STIM2: variants seen among roughly 807,000 people sequenced by gnomAD.
STIM2 encodes stromal interaction molecule 2.
Under a neutral mutation model 85.8 loss-of-function variants are expected in STIM2, and 31 were observed. That is an observed-to-expected ratio of 0.36 (90% CI 0.27 to 0.49). STIM2 has a LOEUF of 0.49. Ranked by LOEUF, STIM2 falls within the 20% of genes least tolerant of loss-of-function variation. The pLI is 0.98. For missense variants in STIM2, 841 were observed against 927.6 expected, an observed-to-expected ratio of 0.91 and a Z score of 1.21; for synonymous variants, 356 against 331.1, an observed-to-expected ratio of 1.08 and a Z score of -0.82.
At chr4:26,955,570 G>C (rs1417880414) in intron 2 of STIM2, among the ~76,000 whole-genome samples, 1 of 148,300 alleles carries the variant, frequency 6.7e-6, no homozygotes, top group Non-Finnish European at 1.5e-5. Context: ...GTCAAGAAGA[G>C]TTGGATGACA....
At chr4:27,009,233 A>T (rs1728479754) in intron 10 of STIM2, among the ~76,000 whole-genome samples, 1 of 152,176 alleles carries the variant, frequency 6.6e-6, no homozygotes, top group African/African-American at 2.4e-5. Context: ...ACACACTTTA[A>T]AGAAATCTGA....
intron 1 of STIM2, among the ~76,000 whole-genome samples, chr4:26,908,776 A>G (rs897220922): frequency 6.6e-6 from 1 of 152,140 alleles, no homozygotes; most frequent in Non-Finnish European, 1.5e-5. Context: ...GAGCCACTGC[A>G]CCCGGCCACA....
chr4:26,956,161 GA>G (rs199655365), intron 2 of STIM2, among the ~76,000 whole-genome samples: 1,588 of 149,996 alleles, frequency 0.011, 18 homozygotes, highest in Non-Finnish European at 0.016. Flanking sequence ...TGGAACAATA[GA>G]AAAAAAAGAT....
intron 1 of STIM2, among the ~76,000 whole-genome samples, chr4:26,873,248 G>A (rs7659457): frequency 0.021 from 3,188 of 152,070 alleles, 114 homozygotes; most frequent in African/African-American, 0.073. Context: ...AAAATACAAC[G>A]ATTAGCCAGG....
At chr4:26,933,273 G>A (rs929785726) in intron 2 of STIM2, among the ~76,000 whole-genome samples, 1 of 151,934 alleles carries the variant, frequency 6.6e-6, no homozygotes, top group Non-Finnish European at 1.5e-5. Context: ...GTACTTAAAG[G>A]TAAATATTAA....
chr4:26,970,891 C>T (rs973966203), intron 3 of STIM2, among the ~76,000 whole-genome samples: 1 of 152,168 alleles, frequency 6.6e-6, no homozygotes. Flanking sequence ...TCTCCACATC[C>T]TCTCCAGCAT....
chr4:27,008,468 C>T lies in STIM2; in HGVS notation c.1190C>T (p.Thr397Ile). 1 of 1,604,362 alleles carries T rather than the reference C, an allele frequency of 6.2e-7. No individual in the cohort carries two copies. Among genetic ancestry groups the T allele is most frequent in the Non-Finnish European group, 8.5e-7 (1 of 1,175,836 alleles). Reference sequence around the variant, plus strand: ...AAGAAGAGAAGCACAGTCTTTGGGACTCTGCACGTTGCACACAGCTCCTCC... The same window carrying T: ...AAGAAGAGAAGCACAGTCTTTGGGATTCTGCACGTTGCACACAGCTCCTCC... Residue 397 changes from threonine (T) to isoleucine (I), a missense_variant, in exon 9 of 12, where the codon ACT becomes ATT. Coordinates refer to ENST00000467087, the MANE Select transcript of STIM2 (RefSeq NM_020860.4).
chr4:26,889,452 G>C (rs1351197709), intron 1 of STIM2, among the ~76,000 whole-genome samples: 2 of 152,184 alleles, frequency 1.3e-5, no homozygotes, highest in Non-Finnish European at 2.9e-5. Context: ...TGGTGGATAA[G>C]GCATTCTGTG....
At chr4:26,861,396 G>A (rs1300880333) in intron 1 of STIM2, 27 bp downstream of exon 1, 20 of 1,284,216 alleles carry the variant, frequency 1.6e-5, no homozygotes, top group Non-Finnish European at 1.9e-5. Flanking sequence ...CGGCGGGCGG[G>A]GCTCGGCCGG....
chr4:26,930,626 A>G (rs1190133939), intron 2 of STIM2, among the ~76,000 whole-genome samples: 1 of 152,108 alleles, frequency 6.6e-6, no homozygotes, highest in Non-Finnish European at 1.5e-5. Context: ...TGATTTTTAT[A>G]CCTGTTGGAA....
intron 1 of STIM2, among the ~76,000 whole-genome samples, chr4:26,890,976 A>G (rs976040329): frequency 6.6e-6 from 1 of 152,212 alleles, no homozygotes; most frequent in South Asian, 2.1e-4. Flanking sequence ...AACTTGAAGC[A>G]CTATTGGATC....
At chr4:26,963,827 C>G (rs941117989) in intron 3 of STIM2, among the ~76,000 whole-genome samples, 1 of 152,052 alleles carries the variant, frequency 6.6e-6, no homozygotes, top group Non-Finnish European at 1.5e-5. Context: ...GATGTAAATG[C>G]GAAATCCTTC....
chr4:27,016,834 CT>C, intron 10 of STIM2, among the ~76,000 whole-genome samples: 1 of 152,242 alleles, frequency 6.6e-6, no homozygotes, highest in South Asian at 2.1e-4. Context: ...CAGGAAGTGA[CT>C]AGTGAAGTGG....
At chr4:27,015,486 T>C (rs1362509250) in intron 10 of STIM2, among the ~76,000 whole-genome samples, 2 of 152,066 alleles carry the variant, frequency 1.3e-5, no homozygotes, top group Non-Finnish European at 2.9e-5. Flanking sequence ...TAAAAGCTAC[T>C]TCAGTGAGCA....
At chr4:26,943,651 C>A (rs1725704213) in intron 2 of STIM2, among the ~76,000 whole-genome samples, 1 of 152,086 alleles carries the variant, frequency 6.6e-6, no homozygotes, top group Non-Finnish European at 1.5e-5. Flanking sequence ...AGACCCCAAT[C>A]CAAGTGCTAG....
intron 3 of STIM2, among the ~76,000 whole-genome samples, chr4:26,982,917 A>T (rs1226352569): frequency 6.6e-6 from 1 of 152,116 alleles, no homozygotes; most frequent in African/African-American, 2.4e-5. Context: ...CTGTTATCTT[A>T]ATATGTTTAC....
chr4:26,891,555 A>ATAAAGATATGTG (rs1560196927), intron 1 of STIM2, among the ~76,000 whole-genome samples: 2 of 102,406 alleles, frequency 2.0e-5, no homozygotes, highest in Non-Finnish European at 3.8e-5. Flanking sequence ...GTGTATACAT[A>ATAAAGATATGTG]CATACACACA....
intron 3 of STIM2, among the ~76,000 whole-genome samples, chr4:26,987,311 C>T (rs956065227): frequency 2.6e-5 from 4 of 151,988 alleles, no homozygotes; most frequent in South Asian, 2.1e-4. Flanking sequence ...GTGGTGGGAC[C>T]GAAAGTAGCA....
At chr4:27,009,105 G>A in intron 10 of STIM2, 103 bp downstream of exon 10, 1 of 977,102 alleles carries the variant, frequency 1.0e-6, no homozygotes, top group Non-Finnish European at 1.5e-6. Context: ...AGAAAAAATT[G>A]GGTTTATCCT....
Sources: gnomAD v4.1 joint callset for allele counts (sites outside exome capture counted in the v4.1 genomes callset) on GRCh38, gnomAD v4.1.1 for gene constraint, MANE v1.5 for transcripts, NCBI Gene and HGNC (gene_info 2026-07-23, HGNC 2026-07-21) for gene names.